SCMH1: variants seen among roughly 807,000 people sequenced by gnomAD.
SCMH1 encodes the protein polycomb protein SCMH1.
A neutral mutation model predicts 70.8 loss-of-function variants in SCMH1; 37 were observed. The ratio of observed to expected loss-of-function variants is 0.52; its 90% CI spans 0.40 to 0.69. The LOEUF is 0.69. Among genes scored for constraint, SCMH1 ranks in the 30% least tolerant of loss-of-function variants. The pLI, the probability that SCMH1 is intolerant of heterozygous loss-of-function variation, is 0.00. For synonymous variants in SCMH1, 292 were observed against 307.4 expected, an observed-to-expected ratio of 0.95 and a Z score of 0.52; for missense variants, 607 against 827.3, an observed-to-expected ratio of 0.73 and a Z score of 3.27.
Position 41,028,707 on chromosome 1 carries a change from C to A in SCMH1, c.1698G>T (p.Glu566Asp). 1 of 1,614,118 alleles carries A rather than the reference C, an allele frequency of 6.2e-7. No individual in the cohort carries two copies. The highest frequency in any genetic ancestry group is 8.5e-7 in the Non-Finnish European group (1 of 1,180,010). ...CACTCAGTCGAGAGGCATCGCGGCTCTCCAGGTATCGGTCCGACCCTGCAG... is the reference window on the plus strand; with the variant it reads ...CACTCAGTCGAGAGGCATCGCGGCTATCCAGGTATCGGTCCGACCCTGCAG... Residue 566 changes from glutamate to aspartate, a missense_variant, in exon 14 of 15, where the codon GAG becomes GAT. Physicochemically the swap from Glu to Asp is conservative, Grantham distance 45 (BLOSUM62 2). This residue lies in a region of SCMH1 where 430 missense variants were observed against 528.2 expected (regional missense o/e 0.81). Transcript: ENST00000337495.
intron 5 of SCMH1, among the ~76,000 whole-genome samples, chr1:41,149,883 G>A (rs1469517294): frequency 9.9e-5 from 15 of 152,102 alleles, no homozygotes; most frequent in Admixed American, 9.8e-4. Flanking sequence ...TTTGGCCTTA[G>A]GTAGTTTTCT....
At chr1:41,138,372 TTTTG>T (rs1301200072) in intron 6 of SCMH1, among the ~76,000 whole-genome samples, 5 of 152,214 alleles carry the variant, frequency 3.3e-5, no homozygotes, top group Admixed American at 1.3e-4. Flanking sequence ...TGTTCCATTG[TTTTG>T]TTTATCTTCT....
intron 1 of SCMH1, among the ~76,000 whole-genome samples, chr1:41,205,135 T>G (rs548730620): frequency 2.2e-4 from 33 of 152,290 alleles, no homozygotes; most frequent in Non-Finnish European, 1.5e-4. Context: ...CGATGCAGAA[T>G]ACGGGTGATT....
intron 6 of SCMH1, among the ~76,000 whole-genome samples, chr1:41,126,952 C>G (rs1028989127): frequency 2.0e-5 from 3 of 152,126 alleles, no homozygotes; most frequent in Admixed American, 2.0e-4. Flanking sequence ...TATGCCCTCC[C>G]TCTCTGGTGT....
intron 9 of SCMH1, 64 bp from the exon 10 acceptor site, chr1:41,070,785 CACTTAATTCACTCATGA>C (rs1656211804): frequency 6.3e-7 from 1 of 1,580,042 alleles, no homozygotes; most frequent in African/African-American, 1.3e-5. Context: ...CTATTCTTGG[CACTTAATTCACTCATGA>C]AGCAAAAATA....
At chr1:41,181,913 G>T (rs545601620) in intron 2 of SCMH1, among the ~76,000 whole-genome samples, 1 of 152,006 alleles carries the variant, frequency 6.6e-6, no homozygotes, top group Non-Finnish European at 1.5e-5. Flanking sequence ...TGTTTATTGC[G>T]GCACTATTCA....
At chr1:41,230,632 T>C (rs1573265565) in intron 1 of SCMH1, among the ~76,000 whole-genome samples, 2 of 150,672 alleles carry the variant, frequency 1.3e-5, no homozygotes, top group South Asian at 4.2e-4. Flanking sequence ...CACTCCAGCC[T>C]GAGCAACAAA....
At chr1:41,052,562 T>A (rs1469688489) in intron 10 of SCMH1, among the ~76,000 whole-genome samples, 1 of 152,222 alleles carries the variant, frequency 6.6e-6, no homozygotes, top group African/African-American at 2.4e-5. Flanking sequence ...TACTGGCTAA[T>A]GATGCATTTC....
chr1:41,062,179 AAAG>A (rs914374301), intron 10 of SCMH1, among the ~76,000 whole-genome samples: 38 of 152,260 alleles, frequency 2.5e-4, no homozygotes, highest in African/African-American at 7.9e-4. Context: ...ACAAATTTTA[AAAG>A]AATAATCACA....
At chr1:41,073,337 TC>T in intron 9 of SCMH1, among the ~76,000 whole-genome samples, 1 of 152,194 alleles carries the variant, frequency 6.6e-6, no homozygotes, top group Non-Finnish European at 1.5e-5. Flanking sequence ...ATCTTTGGAG[TC>T]CCCCAGATAA....
rs1051375431 is a variant in SCMH1, at chr1:41,119,445, A to AC, written c.413-2436_413-2435insG. Among the ~76,000 whole-genome samples the AC allele has an allele frequency of 2.1e-4, 17 of 81,038 alleles. 1 individual carries two copies. The highest frequency in any genetic ancestry group is 1.2e-3 in the Admixed American group (13 of 10,856). The allele number at this position is 81,038 out of a possible 152,430, so 53.2% of individuals were successfully genotyped here. On this transcript the variant is annotated intron_variant, in intron 6 of 14. Transcript: ENST00000337495. ...TTTTTTTTCCCTTTAGGGCAAAAAA[A>AC]AAACAAAAAAAAAAAAACCCCACCG...
At chr1:41,039,124 G>T (rs1225776578) in intron 12 of SCMH1, among the ~76,000 whole-genome samples, 1 of 152,206 alleles carries the variant, frequency 6.6e-6, no homozygotes, top group Non-Finnish European at 1.5e-5. Context: ...TATCAGCAGG[G>T]TAACCTCACT....
intron 4 of SCMH1, 62 bp from the exon 5 acceptor site, chr1:41,151,746 T>C: frequency 9.0e-7 from 1 of 1,114,618 alleles, no homozygotes; most frequent in Non-Finnish European, 1.3e-6. Flanking sequence ...TTTCAGGGTA[T>C]AATCTACACT....
chr1:41,140,361 C>T (rs1476882065), intron 6 of SCMH1, among the ~76,000 whole-genome samples: 6 of 151,676 alleles, frequency 4.0e-5, no homozygotes, highest in South Asian at 2.1e-4. Context: ...GGTGCAATCC[C>T]GGCTCACTGC....
intron 2 of SCMH1, chr1:41,163,079 G>A (rs1162178195): frequency 1.3e-5 from 2 of 152,288 alleles, no homozygotes; most frequent in South Asian, 2.1e-4. Context: ...CCAGACCTGG[G>A]AGCTTCCGGA....
chr1:41,082,864 C>A (rs1017025197), intron 8 of SCMH1, among the ~76,000 whole-genome samples: 56 of 152,184 alleles, frequency 3.7e-4, no homozygotes, highest in Non-Finnish European at 5.4e-4. Flanking sequence ...ACAGAACCAT[C>A]GACAAAAACC....
intron 8 of SCMH1, among the ~76,000 whole-genome samples, chr1:41,084,072 A>C (rs896010229): frequency 1.5e-4 from 23 of 152,322 alleles, no homozygotes; most frequent in African/African-American, 5.3e-4. Flanking sequence ...ATGGGCAAGG[A>C]CTTCATGTCT....
chr1:41,072,732 G>A (rs1275718069), intron 9 of SCMH1, among the ~76,000 whole-genome samples: 1 of 152,134 alleles, frequency 6.6e-6, no homozygotes, highest in East Asian at 1.9e-4. Flanking sequence ...TGGGCATAGT[G>A]GCACATGCCT....
intron 4 of SCMH1, among the ~76,000 whole-genome samples, chr1:41,156,878 C>T (rs1178882895): frequency 6.6e-6 from 1 of 151,232 alleles, no homozygotes; most frequent in Admixed American, 6.6e-5. Flanking sequence ...GGTGCCCAGG[C>T]TAGTTGCAAA....
Sources: allele counts gnomAD v4.1 joint callset (sites outside exome capture counted in the v4.1 genomes callset), GRCh38; gene constraint gnomAD v4.1.1; regional missense constraint gnomAD v4.1.1; transcripts MANE v1.5; gene names NCBI Gene and HGNC (gene_info 2026-07-23, HGNC 2026-07-21).